The following WWP2 variants were observed in gnomAD, a reference collection of about 807,000 sequenced individuals.
WWP2 encodes WW domain containing E3 ubiquitin protein ligase 2.
In WWP2, 57 loss-of-function variants were observed where a neutral mutation model predicts 121.0. The observed-to-expected ratio is 0.47, with a 90% confidence interval of 0.38 to 0.59. The LOEUF (loss-of-function observed/expected upper bound fraction) is 0.59. Among genes scored for constraint, WWP2 ranks in the 20% least tolerant of loss-of-function variants. The probability of loss-of-function intolerance (pLI) is 0.00; values close to 1 mark genes in which losing one functional copy is unlikely to be tolerated. For synonymous variants in WWP2, 449 were observed against 441.3 expected, an observed-to-expected ratio of 1.02 and a Z score of -0.22; for missense variants, 962 against 1,158.9, an observed-to-expected ratio of 0.83 and a Z score of 2.47.
Position 69,925,090 on chromosome 16 carries a change from C to T in WWP2, c.1180-340C>T. On this transcript the variant is annotated intron_variant, in intron 10 of 23. Coordinates refer to ENST00000359154, the MANE Select transcript of WWP2 (RefSeq NM_001270454.2). The surrounding 1 kb of genome is among the most constrained non-coding windows in gnomAD (Gnocchi z 4.0). ...GCTGAGCGGAGGCACTGGGCCGAGC[C>T]TGCTTCCCGGGCCTTCCTACCATGC... The T allele has an allele frequency of 1.9e-6, 2 of 1,064,582 alleles. No individual in the cohort carries two copies. The highest frequency in any genetic ancestry group is 2.3e-6 in the Non-Finnish European group (2 of 880,968). 65.9% of individuals were successfully genotyped at this position (1,064,582 alleles called of 1,614,324 possible).
intron 12 of WWP2, 141 bp from the exon 13 acceptor site, chr16:69,929,989 G>T (rs965325988): frequency 1.1e-4 from 145 of 1,283,004 alleles, no homozygotes; most frequent in Non-Finnish European, 1.4e-4. Flanking sequence ...TCACGACTTG[G>T]GTCATGCTTC....
chr16:69,794,878 G>A (rs1166071601), intron 2 of WWP2, among the ~76,000 whole-genome samples: 1 of 152,108 alleles, frequency 6.6e-6, no homozygotes, highest in Non-Finnish European at 1.5e-5. Flanking sequence ...CAGGCAATTT[G>A]TATATATTGA....
At chr16:69,796,215 C>G (rs1033566401) in intron 2 of WWP2, among the ~76,000 whole-genome samples, 9 of 152,260 alleles carry the variant, frequency 5.9e-5, no homozygotes, top group African/African-American at 1.9e-4. Context: ...ATGTCTAGAG[C>G]TTACTCTCAG....
intron 4 of WWP2, among the ~76,000 whole-genome samples, chr16:69,824,130 C>T (rs533040352): frequency 9.2e-5 from 14 of 152,352 alleles, no homozygotes; most frequent in African/African-American, 2.4e-4. Flanking sequence ...GGGCGGCTTC[C>T]GCCTGACCGT....
At chr16:69,777,622 C>A (rs972386893) in intron 1 of WWP2, among the ~76,000 whole-genome samples, 1 of 151,508 alleles carries the variant, frequency 6.6e-6, no homozygotes, top group African/African-American at 2.4e-5. Flanking sequence ...TTAAAAAAAT[C>A]TTTTTATTTA....
intron 2 of WWP2, among the ~76,000 whole-genome samples, chr16:69,789,014 TTA>T (rs1392766030): frequency 6.6e-6 from 1 of 152,172 alleles, no homozygotes; most frequent in African/African-American, 2.4e-5. Flanking sequence ...CAAATGTTAT[TTA>T]TATAATATAC....
At chr16:69,902,026 G>A (rs1200310202) in intron 8 of WWP2, among the ~76,000 whole-genome samples, 2 of 152,142 alleles carry the variant, frequency 1.3e-5, no homozygotes, top group African/African-American at 4.8e-5. Flanking sequence ...ATCCCTTTTA[G>A]CTTAATCCTA....
At chr16:69,821,908 G>C (rs1185315870) in intron 4 of WWP2, among the ~76,000 whole-genome samples, 2 of 151,418 alleles carry the variant, frequency 1.3e-5, no homozygotes, top group Non-Finnish European at 2.9e-5. Flanking sequence ...GTCTTACTCT[G>C]TCACCCTGGC....
chr16:69,785,933 A>G (rs1323561629), intron 1 of WWP2: 4 of 149,720 alleles, frequency 2.7e-5, no homozygotes, highest in Non-Finnish European at 5.9e-5. Context: ...CAGCCTACCC[A>G]TTTAAATAAT....
rs1437555729 is a variant in WWP2 at position 69,887,216 on chromosome 16, C to T, written c.704-823C>T. Reference sequence around the variant, plus strand: ...AGAGAGAAGACCCTTAGCTATGAGCCCTTCTTGCTTCCTACTTTGAGCATG... The same window carrying T: ...AGAGAGAAGACCCTTAGCTATGAGCTCTTCTTGCTTCCTACTTTGAGCATG... On this transcript the variant is annotated intron_variant, in intron 7 of 23. Coordinates refer to ENST00000359154, the MANE Select transcript of WWP2 (RefSeq NM_001270454.2). 7.2e-5 allele frequency among the ~76,000 whole-genome samples: 11 copies of T among 152,284 alleles called. No individual in the cohort carries two copies. The East Asian group carries it at 2.1e-3, about 29-fold the overall frequency.
chr16:69,937,143 C>A lies in WWP2; in HGVS notation c.2143C>A (p.Arg715=), dbSNP rs1416527645. 6.2e-7 allele frequency: 1 copy of A among 1,613,776 alleles called. No homozygotes were observed. Among genetic ancestry groups the A allele is most frequent in the Non-Finnish European group, 8.5e-7 (1 of 1,179,936 alleles). The change falls in exon 20 of 24, where the codon CGA becomes AGA. Residue 715 remains arginine (R), a synonymous_variant. Coordinates refer to ENST00000359154, the MANE Select transcript of WWP2 (RefSeq NM_001270454.2). This position sits in a 1 kb window ranked among gnomAD's most constrained non-coding sequence, Gnocchi z 6.6. ...GCTGCTGACTGACTGGCGTTTCACC[C>A]GAGGCGTGGAAGAGCAGACCAAAGC... ...IMLLTDWRFT[R]GVEEQTKAFL... is the part of the protein sequence containing the mutation.
rs750671305 is a variant in WWP2 at position 69,937,510 on chromosome 16, G to A, written c.2239-38G>A. 9.3e-6 allele frequency: 15 copies of A among 1,606,946 alleles called. No homozygotes were observed. The highest frequency in any genetic ancestry group is 1.7e-4 in the Middle Eastern group (1 of 6,056). On this transcript the variant is annotated intron_variant, in intron 20 of 23. Transcript: ENST00000359154. This position sits in a 1 kb window ranked among gnomAD's most constrained non-coding sequence, Gnocchi z 6.6. ...CTAGCGAGTGGACGATGCGCGGGGAGGGACCTGCCGGGGATGCTGACTGCC... is the reference window on the plus strand; with the variant it reads ...CTAGCGAGTGGACGATGCGCGGGGAAGGACCTGCCGGGGATGCTGACTGCC...
At chr16:69,884,718 T>C (rs1181431428) in intron 7 of WWP2, among the ~76,000 whole-genome samples, 1 of 152,206 alleles carries the variant, frequency 6.6e-6, no homozygotes, top group East Asian at 1.9e-4. Flanking sequence ...AAATGAAACC[T>C]CATTGTTCAT....
intron 8 of WWP2, among the ~76,000 whole-genome samples, chr16:69,889,737 T>C (rs2057992006): frequency 6.6e-6 from 1 of 152,200 alleles, no homozygotes; most frequent in South Asian, 2.1e-4. Flanking sequence ...CTGCCTCTCC[T>C]GGTTATCAGT....
At chr16:69,919,787 C>CTTTT (rs1326246941) in intron 10 of WWP2, among the ~76,000 whole-genome samples, 2 of 124,416 alleles carry the variant, frequency 1.6e-5, no homozygotes, top group Admixed American at 8.1e-5. Context: ...GGGTCCCTGA[C>CTTTT]TTTTTTTTTT....
intron 2 of WWP2, among the ~76,000 whole-genome samples, chr16:69,789,298 C>T (rs568611630): frequency 3.9e-5 from 6 of 152,216 alleles, no homozygotes; most frequent in Middle Eastern, 3.4e-3. Flanking sequence ...GGTGCGATCT[C>T]GACTCACTGT....
At chr16:69,932,030 A>G (rs2058723132) in intron 16 of WWP2, 140 bp downstream of exon 16, 2 of 870,884 alleles carry the variant, frequency 2.3e-6, no homozygotes, top group Non-Finnish European at 3.5e-6. Context: ...ACAGTGTGGC[A>G]TTCAAAATAC....
intron 4 of WWP2, among the ~76,000 whole-genome samples, chr16:69,820,555 A>G (rs2056573880): frequency 8.6e-6 from 1 of 116,734 alleles, no homozygotes; most frequent in African/African-American, 2.8e-5. Context: ...CCTGTCTCTT[A>G]AAAAAAAAAA....
intron 7 of WWP2, among the ~76,000 whole-genome samples, chr16:69,874,309 G>T (rs2057697101): frequency 6.6e-6 from 1 of 152,162 alleles, no homozygotes; most frequent in Non-Finnish European, 1.5e-5. Context: ...GACCAGAGGG[G>T]GGTCGAGGGT....
Sources: allele counts gnomAD v4.1 joint callset (sites outside exome capture counted in the v4.1 genomes callset), GRCh38; gene constraint gnomAD v4.1.1; non-coding constraint Gnocchi (gnomAD v3.1); transcripts MANE v1.5; gene names NCBI Gene and HGNC (gene_info 2026-07-23, HGNC 2026-07-21).